CNTN5: variants seen among roughly 807,000 people sequenced by gnomAD.
The protein encoded by CNTN5 is contactin-5.
In CNTN5, 77 loss-of-function variants were observed where a neutral mutation model predicts 129.1. That is an observed-to-expected ratio of 0.60 (90% confidence interval 0.50 to 0.72). CNTN5 has a LOEUF of 0.72. Among genes scored for constraint, CNTN5 ranks in the 30% least tolerant of loss-of-function variants. The probability of loss-of-function intolerance (pLI) is 0.00; values close to 1 mark genes in which losing one functional copy is unlikely to be tolerated. For missense variants in CNTN5, 1,478 were observed against 1,328.8 expected (o/e 1.11, Z -1.75); for synonymous variants, 509 against 465.6 (o/e 1.09, Z -1.20).
At chr11:100,276,656 G>A (rs1444750168) in intron 18 of CNTN5, among the ~76,000 whole-genome samples, 1 of 151,116 alleles carries the variant, frequency 6.6e-6, no homozygotes, top group Admixed American at 6.6e-5. Context: ...ATATTTTTAT[G>A]CACACATTTC....
At chr11:99,792,604 G>GT (rs147271452) in intron 3 of CNTN5, among the ~76,000 whole-genome samples, 5,265 of 98,312 alleles carry the variant, frequency 0.054, 141 homozygotes, top group South Asian at 0.13. Context: ...TGTCTGCAAG[G>GT]TTTTGGTATT....
chr11:99,918,428 T>A (rs1017399055), intron 7 of CNTN5, among the ~76,000 whole-genome samples: 2 of 152,216 alleles, frequency 1.3e-5, no homozygotes, highest in Admixed American at 6.5e-5. Context: ...TACATCTTAA[T>A]GTTAACTAGA....
At chr11:99,520,810 C>T (rs371014232) in intron 2 of CNTN5, among the ~76,000 whole-genome samples, 39 of 152,134 alleles carry the variant, frequency 2.6e-4, no homozygotes, top group African/African-American at 8.4e-4. Flanking sequence ...TGTACAACAT[C>T]ATAAAAATGT....
chr11:99,421,607 A>T (rs1448022590), intron 2 of CNTN5, among the ~76,000 whole-genome samples: 1 of 152,280 alleles, frequency 6.6e-6, no homozygotes, highest in African/African-American at 2.4e-5. Flanking sequence ...GTTTGAAAAC[A>T]ATTTGCCATT....
chr11:99,647,157 G>GAAGAA (rs1951995569), intron 3 of CNTN5, among the ~76,000 whole-genome samples: 1 of 151,988 alleles, frequency 6.6e-6, no homozygotes, highest in Admixed American at 6.6e-5. Flanking sequence ...TAGTTTTATA[G>GAAGAA]TTTCAAGTCT....
intron 6 of CNTN5, 83 bp from the exon 7 acceptor site, chr11:99,915,971 T>C: frequency 2.8e-6 from 3 of 1,072,288 alleles, no homozygotes; most frequent in Non-Finnish European, 4.2e-6. Context: ...AAGATAACGA[T>C]AGAAAGTAAG....
intron 3 of CNTN5, among the ~76,000 whole-genome samples, chr11:99,778,335 T>C (rs1448454439): frequency 6.6e-6 from 1 of 151,776 alleles, no homozygotes; most frequent in African/African-American, 2.4e-5. Context: ...TGTAGGTCTA[T>C]GACATCACCT....
At chr11:99,637,558 T>A (rs866935368) in intron 3 of CNTN5, among the ~76,000 whole-genome samples, 15 of 152,280 alleles carry the variant, frequency 9.9e-5, no homozygotes, top group South Asian at 4.1e-4. Flanking sequence ...TAGGGGTTAC[T>A]GAAAAATAAT....
chr11:99,368,943 G>A (rs1033173382), intron 2 of CNTN5, among the ~76,000 whole-genome samples: 2 of 151,842 alleles, frequency 1.3e-5, no homozygotes, highest in Non-Finnish European at 2.9e-5. Flanking sequence ...GGTGGGGAAG[G>A]GAATGTGTTC....
At chr11:99,367,832 G>T (rs1465481964) in intron 2 of CNTN5, among the ~76,000 whole-genome samples, 1 of 152,078 alleles carries the variant, frequency 6.6e-6, no homozygotes, top group Non-Finnish European at 1.5e-5. Flanking sequence ...GAATATCATA[G>T]GCTGTGACTC....
intron 1 of CNTN5, among the ~76,000 whole-genome samples, chr11:99,255,833 C>T (rs1184544420): frequency 6.6e-6 from 1 of 151,530 alleles, no homozygotes; most frequent in African/African-American, 2.4e-5. Flanking sequence ...CACACACATG[C>T]ACACGCACAC....
chr11:100,094,764 GA>G (rs1944931218), intron 13 of CNTN5, among the ~76,000 whole-genome samples: 3 of 126,856 alleles, frequency 2.4e-5, no homozygotes, highest in African/African-American at 6.6e-5. Context: ...AGGGAGGGAG[GA>G]AAGGAAGGAA....
At chr11:99,681,224 A>G (rs1439960842) in intron 3 of CNTN5, among the ~76,000 whole-genome samples, 1 of 152,084 alleles carries the variant, frequency 6.6e-6, no homozygotes, top group Non-Finnish European at 1.5e-5. Context: ...ATAATATTAT[A>G]TAAATTTAGT....
At chr11:99,834,530 C>T (rs1254190110) in intron 4 of CNTN5, among the ~76,000 whole-genome samples, 1 of 151,962 alleles carries the variant, frequency 6.6e-6, no homozygotes, top group Non-Finnish European at 1.5e-5. Flanking sequence ...AAAGAAAAGA[C>T]CAAACCACAA....
chr11:99,741,227 A>G (rs1943879298), intron 3 of CNTN5, among the ~76,000 whole-genome samples: 1 of 152,182 alleles, frequency 6.6e-6, no homozygotes. Flanking sequence ...GTTTGCACCA[A>G]TCAAAACTTA....
At chr11:99,783,905 GCA>G (rs1945410993) in intron 3 of CNTN5, among the ~76,000 whole-genome samples, 1 of 151,676 alleles carries the variant, frequency 6.6e-6, no homozygotes, top group Non-Finnish European at 1.5e-5. Context: ...CACCAGCATG[GCA>G]CATGTATACA....
chr11:99,255,442 TTC>T (rs1451935753), intron 1 of CNTN5, among the ~76,000 whole-genome samples: 1 of 151,536 alleles, frequency 6.6e-6, no homozygotes, highest in African/African-American at 2.4e-5. Context: ...CCAACGTAAA[TTC>T]TGTTTAAAGA....
intron 2 of CNTN5, among the ~76,000 whole-genome samples, chr11:99,412,336 C>T (rs1175145737): frequency 1.3e-5 from 2 of 152,088 alleles, no homozygotes; most frequent in African/African-American, 2.4e-5. Flanking sequence ...TTTATACCAG[C>T]CACAAATGTG....
intron 4 of CNTN5, among the ~76,000 whole-genome samples, chr11:99,837,207 G>A (rs1947334830): frequency 6.6e-6 from 1 of 152,134 alleles, no homozygotes; most frequent in Non-Finnish European, 1.5e-5. Flanking sequence ...ATGATATACA[G>A]TTCAATGAAC....
Sources: gnomAD v4.1 joint callset for allele counts (sites outside exome capture counted in the v4.1 genomes callset) on GRCh38, gnomAD v4.1.1 for gene constraint, MANE v1.5 for transcripts, NCBI Gene and HGNC (gene_info 2026-07-23, HGNC 2026-07-21) for gene names.